KNDC1: variants seen among roughly 807,000 people sequenced by gnomAD.
KNDC1 encodes the protein kinase non-catalytic C-lobe domain containing 1.
A neutral mutation model predicts 172.8 loss-of-function variants in KNDC1; 106 were observed. That is an observed-to-expected ratio of 0.61 (90% CI 0.52 to 0.72). The LOEUF (loss-of-function observed/expected upper bound fraction) is 0.72, where lower values mean the gene tolerates loss of function less well. Among genes scored for constraint, KNDC1 ranks in the 30% least tolerant of loss-of-function variants. KNDC1 has a pLI of 0.00. For synonymous variants in KNDC1, 1,083 were observed against 1,062.2 expected, an observed-to-expected ratio of 1.02 and a Z score of -0.38; for missense variants, 2,325 against 2,394.5, an observed-to-expected ratio of 0.97 and a Z score of 0.61.
At chr10:133,202,051 T>C (rs1466717946) in intron 17 of KNDC1, 153 bp downstream of exon 17, 5 of 887,830 alleles carry the variant, frequency 5.6e-6, no homozygotes, top group Non-Finnish European at 9.0e-6. Flanking sequence ...GCTGTCAAGA[T>C]GGTCAGGGCC....
chr10:133,168,421 C>A, intron 3 of KNDC1, 109 bp downstream of exon 3: 1 of 1,184,510 alleles, frequency 8.4e-7, no homozygotes, highest in Non-Finnish European at 1.3e-6. Flanking sequence ...CAAGTGGCCT[C>A]TGGCCGGGAG....
At chr10:133,177,031 C>A (rs1853555381) in intron 3 of KNDC1, among the ~76,000 whole-genome samples, 1 of 152,308 alleles carries the variant, frequency 6.6e-6, no homozygotes, top group Middle Eastern at 3.4e-3. Context: ...TGGCAGCTGA[C>A]CCAGCCCACA....
intron 5 of KNDC1, 97 bp downstream of exon 5, chr10:133,184,086 A>C: frequency 1.5e-6 from 1 of 659,938 alleles, no homozygotes; most frequent in Non-Finnish European, 2.6e-6. Context: ...CCATGCACAC[A>C]CACACACTGC....
At chr10:133,202,458 A>C in intron 17 of KNDC1, 1 of 395,732 alleles carries the variant, frequency 2.5e-6, no homozygotes, top group Non-Finnish European at 5.1e-6. Flanking sequence ...AGAGGCCTGC[A>C]GAGCTCTGGA....
intron 6 of KNDC1, among the ~76,000 whole-genome samples, chr10:133,187,137 G>A (rs547742539): frequency 5.3e-4 from 81 of 152,360 alleles, no homozygotes; most frequent in Middle Eastern, 3.4e-3. Flanking sequence ...GCTCATCTGT[G>A]GGGCTTGGTG....
rs111625253 is a variant in KNDC1, at chr10:133,202,123, C to T, written c.3387+225C>T. 6.7e-3 allele frequency: 4,728 copies of T among 706,768 alleles called. 169 individuals are homozygous for T. The African/African-American group carries it at 0.074, about 11-fold the overall frequency. The allele number at this position is 706,768 out of a possible 1,614,324, so 43.8% of individuals were successfully genotyped here. On this transcript the variant is annotated intron_variant, in intron 17 of 29. Transcript: ENST00000304613. ...TCGTCTGCACTGGTGCTCCTGGTGG[C>T]TCCACGTCTGAGGACAGGGAAGGGC...
intron 21 of KNDC1, 109 bp downstream of exon 21, chr10:133,210,833 C>A: frequency 1.1e-6 from 1 of 927,390 alleles, no homozygotes; most frequent in Non-Finnish European, 1.8e-6. Context: ...CCTGGCGACC[C>A]AAGGGGGTGA....
At chr10:133,217,324 T>C (rs1435280390) in intron 26 of KNDC1, among the ~76,000 whole-genome samples, 1 of 152,258 alleles carries the variant, frequency 6.6e-6, no homozygotes, top group Non-Finnish European at 1.5e-5. Context: ...TAAACACTTC[T>C]CAAGCTCCTC....
Position 133,186,283 on chromosome 10 carries a change from T to C in KNDC1, c.935T>C (p.Leu312Pro). The C allele has an allele frequency of 1.2e-6, 2 of 1,610,800 alleles. No homozygotes were observed. The change falls in exon 6 of 30, where the codon CTG (leucine) becomes CCG (proline). Residue 312 changes from leucine (L) to proline (P), a missense_variant. Physicochemically the swap from Leu to Pro is moderately conservative, Grantham distance 98 (BLOSUM62 -3). Transcript: ENST00000304613. ...AAGGTGCAGACGTTCCCTAGGCTGC[T>C]GTCCGACAGCCCCGAGGCCACCCTC... ...LRKVQTFPRL[L>P]SDSPEATLCL...
rs1564881077 is a variant in KNDC1 at position 133,181,834 on chromosome 10, C to CACACACACACACACACACACACA, written c.361-1510_361-1509insACACACACACACACACACACACA. On this transcript the variant is annotated intron_variant, in intron 3 of 29. Coordinates refer to ENST00000304613, the MANE Select transcript of KNDC1 (RefSeq NM_152643.8). The stretch of plus-strand genomic sequence containing the variant: ...CCAGACCAGGAAGCCCCAGGACCGT[C>CACACACACACACACACACACACA]CACACACACACACACACACACACAC... 7.7e-3 allele frequency among the ~76,000 whole-genome samples: 1,075 copies of CACACACACACACACACACACACA among 138,868 alleles called. 17 individuals carry two copies. The highest frequency in any genetic ancestry group is 0.018 in the East Asian group (86 of 4,876). 91.1% of individuals were successfully genotyped at this position (138,868 alleles called of 152,430 possible).
At chr10:133,201,383 C>A in intron 16 of KNDC1, 118 bp from the exon 17 acceptor site, 1 of 1,136,476 alleles carries the variant, frequency 8.8e-7, no homozygotes, top group Non-Finnish European at 1.3e-6. Context: ...CCGTGGTGGG[C>A]GGGTGCAAGA....
rs1177916154 is a variant in KNDC1 at position 133,189,636 on chromosome 10, G to A, written c.1480G>A (p.Gly494Arg). The A allele has an allele frequency of 6.8e-6, 11 of 1,613,684 alleles. No individual in the cohort carries two copies. Among genetic ancestry groups the A allele is most frequent in the South Asian group, 2.2e-5 (2 of 91,082 alleles). The change falls in exon 8 of 30, where the codon GGG becomes AGG. Residue 494 changes from glycine to arginine, a missense_variant. Transcript: ENST00000304613. ...CLDSVLVAED[G>R]AVLFQPPPAN... ...GGACTCCGTGCTGGTTGCTGAGGACGGGGCTGTGCTCTTCCAGCCACCCCC... is the reference window on the plus strand; with the variant it reads ...GGACTCCGTGCTGGTTGCTGAGGACAGGGCTGTGCTCTTCCAGCCACCCCC...
In KNDC1 at chr10:133,219,094, C is replaced by T; in HGVS notation, c.4860+4C>T. On this transcript the variant is annotated splice_donor_region_variant and intron_variant, in intron 28 of 29. Transcript: ENST00000304613. ...GGAGGAGCTGAAAGCCGTGGAGGTA[C>T]CAGCACTTTACGTGGCCGGGCGGCT... The T allele has an allele frequency of 6.2e-7, 1 of 1,613,368 alleles. No homozygotes were observed. Among genetic ancestry groups the T allele is most frequent in the Admixed American group, 1.7e-5 (1 of 59,918 alleles).
At chr10:133,221,642 G>A (rs988318007) in intron 29 of KNDC1, among the ~76,000 whole-genome samples, 4 of 152,242 alleles carry the variant, frequency 2.6e-5, no homozygotes, top group African/African-American at 4.8e-5. Context: ...CAGCGGACCA[G>A]GTGCCCATGG....
intron 1 of KNDC1, among the ~76,000 whole-genome samples, chr10:133,166,322 G>A (rs1853151393): frequency 6.6e-6 from 1 of 152,224 alleles, no homozygotes. Context: ...CACATGGGGT[G>A]CCCCGGCCGG....
At chr10:133,219,113 G>A (rs200344238) in intron 28 of KNDC1, 23 bp downstream of exon 28, 36 of 1,609,318 alleles carry the variant, frequency 2.2e-5, no homozygotes, top group Non-Finnish European at 2.6e-5. Flanking sequence ...TACGTGGCCG[G>A]GCGGCTTTGG....
rs1845210361 is a variant in KNDC1, at chr10:133,206,868, A to G, written c.3494A>G (p.Lys1165Arg). 6.2e-7 allele frequency: 1 copy of G among 1,614,042 alleles called. No homozygotes were observed. The highest frequency in any genetic ancestry group is 1.3e-5 in the African/African-American group (1 of 74,948). Residue 1165 changes from lysine (K) to arginine (R), a missense_variant, in exon 19 of 30, where the codon AAG (lysine) becomes AGG (arginine). Physicochemically the swap from Lys to Arg is conservative, Grantham distance 26 (BLOSUM62 2). Coordinates refer to ENST00000304613, the MANE Select transcript of KNDC1 (RefSeq NM_152643.8). ...KEKRNKGSDVKTMLSKLKGQL... is the reference protein window; with the variant it reads ...KEKRNKGSDVRTMLSKLKGQL... ...GCTCCACCCACAGGTTCCGACGTCA[A>G]GACCATGCTGTCCAAGCTGAAAGGG...
chr10:133,213,544 G>A, intron 24 of KNDC1, 101 bp from the exon 25 acceptor site: 1 of 949,754 alleles, frequency 1.1e-6, no homozygotes, highest in Non-Finnish European at 1.7e-6. Flanking sequence ...GGATTGCAGA[G>A]CTGGCCCCCC....
Position 133,199,255 on chromosome 10 carries a change from C to T in KNDC1, c.2747C>T (p.Ala916Val). Reference protein sequence around the residue: ...FDGYLDNGLEALIMGEYIFAL... With the variant: ...FDGYLDNGLEVLIMGEYIFAL... ...GGCTACCTGGACAATGGGCTGGAGGCTCTGATCATGGGTACGTGGGGGCCG... is the reference window on the plus strand; with the variant it reads ...GGCTACCTGGACAATGGGCTGGAGGTTCTGATCATGGGTACGTGGGGGCCG... Residue 916 changes from alanine to valine, a missense_variant, in exon 14 of 30, where the codon GCT becomes GTT. By Grantham distance (64) the Ala-to-Val change is moderately conservative (BLOSUM62 0). Coordinates refer to ENST00000304613, the MANE Select transcript of KNDC1 (RefSeq NM_152643.8). 2 of 1,560,044 alleles carry T rather than the reference C, an allele frequency of 1.3e-6. No individual in the cohort carries two copies. The highest frequency in any genetic ancestry group is 1.7e-6 in the Non-Finnish European group (2 of 1,150,386).
Sources: allele counts gnomAD v4.1 joint callset (sites outside exome capture counted in the v4.1 genomes callset), GRCh38; gene constraint gnomAD v4.1.1; transcripts MANE v1.5; gene names NCBI Gene and HGNC (gene_info 2026-07-23, HGNC 2026-07-21).